The following CMTM8 variants were observed in gnomAD, a reference collection of about 807,000 sequenced individuals.
The protein encoded by CMTM8 is CKLF like MARVEL transmembrane domain containing 8.
CMTM8 carries 12 observed loss-of-function variants against 18.6 expected under a neutral mutation model. That is an observed-to-expected ratio of 0.65 (90% CI 0.41 to 1.05). The LOEUF is 1.05. CMTM8 is among the 50% of genes least tolerant of loss of function. The pLI, the probability that CMTM8 is intolerant of heterozygous loss-of-function variation, is 0.00. For synonymous variants in CMTM8, 87 were observed against 90.6 expected (o/e 0.96, Z 0.23); for missense variants, 217 against 227.2 (o/e 0.95, Z 0.29).
chr3:32,268,919 A>G (rs1702392791), intron 1 of CMTM8, among the ~76,000 whole-genome samples: 1 of 152,176 alleles, frequency 6.6e-6, no homozygotes, highest in Non-Finnish European at 1.5e-5. Flanking sequence ...TGGGGGGAAA[A>G]TAGGGATCTT....
Position 32,335,128 on chromosome 3 carries a change from G to A in CMTM8, c.148-22245G>A, listed in dbSNP as rs180670760. On this transcript the variant is annotated intron_variant, in intron 1 of 3. Transcript: ENST00000307526. ...CAAGTAGGGAGGCCTGGCCAGGGGC[G>A]AGAACTCTGTCCTGCCAGGCTCTTC... is the stretch of plus-strand genomic sequence containing the variant. Among the ~76,000 whole-genome samples the A allele has an allele frequency of 1.2e-3, 180 of 152,284 alleles. 1 individual carries two copies. The highest frequency in any genetic ancestry group is 2.1e-3 in the Non-Finnish European group (145 of 68,004).
chr3:32,356,611 A>C (rs1378528690), intron 1 of CMTM8, among the ~76,000 whole-genome samples: 1 of 152,198 alleles, frequency 6.6e-6, no homozygotes, highest in Non-Finnish European at 1.5e-5. Context: ...GCCGCTGTTC[A>C]TTCTCTCTTC....
intron 1 of CMTM8, among the ~76,000 whole-genome samples, chr3:32,270,516 G>T (rs578016089): frequency 2.0e-5 from 3 of 152,292 alleles, no homozygotes; most frequent in South Asian, 4.1e-4. Context: ...GTGGCACATA[G>T]ACACCGTGGA....
In CMTM8 at chr3:32,369,877, T is replaced by C; in HGVS notation, c.439-7T>C. 1 of 1,599,812 alleles carries C rather than the reference T, an allele frequency of 6.3e-7. No homozygotes were observed. Among genetic ancestry groups the C allele is most frequent in the Non-Finnish European group, 8.6e-7 (1 of 1,169,436 alleles). On this transcript the variant is annotated splice_polypyrimidine_tract_variant and splice_region_variant and intron_variant, in intron 3 of 3. Transcript: ENST00000307526. ...ACCCCACTTCTATTATGCTTTGTTT[T>C]CTCCAGTTCTTTGCCTTCCTGGTCA...
chr3:32,272,843 C>T (rs1427359067), intron 1 of CMTM8, among the ~76,000 whole-genome samples: 4 of 152,138 alleles, frequency 2.6e-5, no homozygotes, highest in African/African-American at 9.7e-5. Context: ...TTTAAGATCC[C>T]AGCTTTACAT....
intron 1 of CMTM8, among the ~76,000 whole-genome samples, chr3:32,262,620 C>T (rs760781970): frequency 5.9e-5 from 9 of 152,210 alleles, no homozygotes; most frequent in Non-Finnish European, 1.2e-4. Flanking sequence ...ACCTTTACAA[C>T]TGACCTGATA....
chr3:32,339,192 A>G (rs1257474331), intron 1 of CMTM8, among the ~76,000 whole-genome samples: 3 of 152,254 alleles, frequency 2.0e-5, no homozygotes, highest in Non-Finnish European at 2.9e-5. Context: ...AAGCCAGCCC[A>G]GTAGGTCAAT....
intron 1 of CMTM8, among the ~76,000 whole-genome samples, chr3:32,316,721 A>T (rs1407977717): frequency 6.6e-6 from 1 of 152,146 alleles, no homozygotes; most frequent in Non-Finnish European, 1.5e-5. Context: ...AGATTTATTC[A>T]GGGGAAATAA....
chr3:32,318,966 G>A (rs116163041), intron 1 of CMTM8, among the ~76,000 whole-genome samples: 4,772 of 147,270 alleles, frequency 0.032, 267 homozygotes, highest in African/African-American at 0.11. Context: ...ATATCATTTC[G>A]TCCATAAATA....
intron 1 of CMTM8, among the ~76,000 whole-genome samples, chr3:32,348,544 G>GTTTTT (rs1696646302): frequency 2.0e-4 from 1 of 5,052 alleles, no homozygotes; most frequent in Admixed American, 2.6e-3. Context: ...TTTTTTTTTG[G>GTTTTT]AGACAAGATC....
chr3:32,313,335 G>A (rs373620922), intron 1 of CMTM8, among the ~76,000 whole-genome samples: 19 of 152,268 alleles, frequency 1.2e-4, no homozygotes, highest in African/African-American at 3.4e-4. Flanking sequence ...TTTGCAGCAG[G>A]GGGGAGCCTA....
At chr3:32,298,812 TATAC>T (rs201069223) in intron 1 of CMTM8, among the ~76,000 whole-genome samples, 4,499 of 136,200 alleles carry the variant, frequency 0.033, 232 homozygotes, top group African/African-American at 0.12. Context: ...TATATATATA[TATAC>T]ACGTGTGTAT....
rs531380638 is a variant in CMTM8, at chr3:32,257,118, C to A, written c.147+17999C>A. Among the ~76,000 whole-genome samples the A allele has an allele frequency of 8.9e-4, 135 of 152,296 alleles. 1 individual carries two copies. Among genetic ancestry groups the A allele is most frequent in the African/African-American group, 3.1e-3 (130 of 41,570 alleles). On this transcript the variant is annotated intron_variant, in intron 1 of 3. Transcript: ENST00000307526. ...TTCTATGTCCCAGTAGCTGGGATTA[C>A]AGGCATGGCCACTATGCCCGGCTAA... is the stretch of plus-strand genomic sequence containing the variant.
chr3:32,347,568 G>C (rs1201016203), intron 1 of CMTM8, among the ~76,000 whole-genome samples: 1 of 152,102 alleles, frequency 6.6e-6, no homozygotes, highest in Non-Finnish European at 1.5e-5. Flanking sequence ...CTCAAGGGCC[G>C]GGCTTTGTAG....
intron 1 of CMTM8, among the ~76,000 whole-genome samples, chr3:32,278,612 C>T (rs1398940660): frequency 6.6e-6 from 1 of 152,190 alleles, no homozygotes; most frequent in Non-Finnish European, 1.5e-5. Context: ...CCTGGCCTCC[C>T]TTTCAGGCCT....
intron 1 of CMTM8, among the ~76,000 whole-genome samples, chr3:32,352,850 C>T (rs909654625): frequency 7.1e-6 from 1 of 141,766 alleles, no homozygotes; most frequent in Non-Finnish European, 1.6e-5. Context: ...TTCAATACAG[C>T]AGTGAAAGTT....
chr3:32,258,853 T>C (rs1035266940), intron 1 of CMTM8: 10 of 176,812 alleles, frequency 5.7e-5, no homozygotes, highest in Non-Finnish European at 9.5e-5. Context: ...ATGTTGGGTG[T>C]CATCCTTAGA....
chr3:32,309,459 C>T (rs746953449), intron 1 of CMTM8, among the ~76,000 whole-genome samples: 2 of 151,798 alleles, frequency 1.3e-5, no homozygotes, highest in Admixed American at 1.3e-4. Context: ...AGGTGTGCAC[C>T]ACCACGCCCG....
intron 2 of CMTM8, among the ~76,000 whole-genome samples, chr3:32,364,866 A>G (rs1257203408): frequency 1.3e-5 from 2 of 152,180 alleles, no homozygotes; most frequent in African/African-American, 4.8e-5. Context: ...CCCCTCTGCC[A>G]CTGGGTGGGC....
Sources: allele counts gnomAD v4.1 joint callset (sites outside exome capture counted in the v4.1 genomes callset), GRCh38; gene constraint gnomAD v4.1.1; transcripts MANE v1.5; gene names NCBI Gene and HGNC (gene_info 2026-07-23, HGNC 2026-07-21).